PIK3R4: variants seen among roughly 807,000 people sequenced by gnomAD.
The protein encoded by PIK3R4 is phosphoinositide 3-kinase regulatory subunit 4.
In PIK3R4, 46 loss-of-function variants were observed where a neutral mutation model predicts 136.5. The observed-to-expected ratio is 0.34, with a 90% CI of 0.27 to 0.43. The LOEUF is 0.43. PIK3R4 is among the 20% of genes least tolerant of loss of function. The pLI, the probability that PIK3R4 is intolerant of heterozygous loss-of-function variation, is 1.00. For synonymous variants in PIK3R4, 557 were observed against 566.7 expected, an observed-to-expected ratio of 0.98 and a Z score of 0.24; for missense variants, 1,331 against 1,649.5, an observed-to-expected ratio of 0.81 and a Z score of 3.35.
At chr3:130,733,307 T>A (rs2066768393) in intron 4 of PIK3R4, among the ~76,000 whole-genome samples, 1 of 152,190 alleles carries the variant, frequency 6.6e-6, no homozygotes, top group African/African-American at 2.4e-5. Flanking sequence ...GAATGTAGTA[T>A]TCCTAAGAAA....
chr3:130,715,732 T>G (rs2107612264), intron 9 of PIK3R4, among the ~76,000 whole-genome samples: 1 of 152,304 alleles, frequency 6.6e-6, no homozygotes, highest in East Asian at 1.9e-4. Context: ...TGATGGTTTC[T>G]TTTGCTGTGC....
At position 130,682,445 on chromosome 3, in the gene PIK3R4, T is replaced by G. The variant is rs575185190; in HGVS notation, c.3608-854A>C. On this transcript the variant is annotated intron_variant, in intron 16 of 19. Coordinates refer to ENST00000356763, the MANE Select transcript of PIK3R4 (RefSeq NM_014602.3). ...CCTTGATTTTGGTCCACAAAACCCATTTCAGACTTCTGGCCTCTAGAATTA... is the reference window on the plus strand; with the variant it reads ...CCTTGATTTTGGTCCACAAAACCCAGTTCAGACTTCTGGCCTCTAGAATTA... Among the ~76,000 whole-genome samples, 4 of 152,282 alleles carry G rather than the reference T, an allele frequency of 2.6e-5. No individual in the cohort carries two copies. The East Asian group carries it at 5.8e-4, about 22-fold the overall frequency.
chr3:130,703,810 T>C lies in PIK3R4; in HGVS notation c.3011A>G (p.Glu1004Gly), dbSNP rs1379553069. The C allele has an allele frequency of 6.2e-7, 1 of 1,612,658 alleles. No homozygotes were observed. Among genetic ancestry groups the C allele is most frequent in the East Asian group, 2.2e-5 (1 of 44,862 alleles). The change falls in exon 13 of 20, where the codon GAA becomes GGA. Residue 1004 changes from glutamate to glycine, a missense_variant. Transcript: ENST00000356763. ...SAVNRIRVSD[E>G]HSLFATCSND... ...TGAACATGTTGCAAAAAGTGAGTGT[T>C]CATCAGAGACTCTAATTCGATTCAC...
chr3:130,684,773 G>A (rs1478999119), intron 15 of PIK3R4, among the ~76,000 whole-genome samples: 2 of 152,170 alleles, frequency 1.3e-5, no homozygotes, highest in South Asian at 4.1e-4. Flanking sequence ...GGTATTCAAT[G>A]ATCACTTTAC....
chr3:130,714,639 G>A lies in PIK3R4; in HGVS notation c.2331+1757C>T, dbSNP rs146424433. Among the ~76,000 whole-genome samples, 384 of 147,944 alleles carry A rather than the reference G, an allele frequency of 2.6e-3. 1 individual carries two copies. The highest frequency in any genetic ancestry group is 9.0e-3 in the African/African-American group (358 of 39,724). On this transcript the variant is annotated intron_variant, in intron 9 of 19. Coordinates refer to ENST00000356763, the MANE Select transcript of PIK3R4 (RefSeq NM_014602.3). ...CCCTCAACAGGCACTGGTTTGTGTC[G>A]TTTCCCCCTATGTTCATGTGTTCTC...
rs2066600963 is a variant in PIK3R4 at position 130,705,437 on chromosome 3, GT to G, written c.2932+123del. The G allele has an allele frequency of 3.5e-5, 23 of 660,456 alleles. No individual in the cohort carries two copies. In the South Asian group the frequency reaches 4.2e-4, roughly 12 times the overall value. The allele number at this position is 660,456 out of a possible 1,614,324, so 40.9% of individuals were successfully genotyped here. On this transcript the variant is annotated intron_variant, in intron 12 of 19. Transcript: ENST00000356763. ...TCTTACTTACTGCTTCTTCTTCTGG[GT>G]TTCCCAAATAACATTTTTGTTCTTA...
intron 13 of PIK3R4, among the ~76,000 whole-genome samples, chr3:130,700,509 A>G (rs2066568824): frequency 6.6e-6 from 1 of 152,244 alleles, no homozygotes; most frequent in African/African-American, 2.4e-5. Flanking sequence ...TTAGAAAAAC[A>G]GCAATTTTTC....
chr3:130,698,411 C>G (rs952809604), intron 13 of PIK3R4, among the ~76,000 whole-genome samples: 8 of 152,046 alleles, frequency 5.3e-5, no homozygotes, highest in Non-Finnish European at 8.8e-5. Flanking sequence ...TTCTTTGTAC[C>G]TCTGACTGGA....
rs2066771650 is a variant in PIK3R4, at chr3:130,733,811, A to T, written c.1187T>A (p.Leu396Gln). 1 of 1,614,090 alleles carries T rather than the reference A, an allele frequency of 6.2e-7. No individual in the cohort carries two copies. Among genetic ancestry groups the T allele is most frequent in the Non-Finnish European group, 8.5e-7 (1 of 1,179,922 alleles). Residue 396 changes from leucine (L) to glutamine (Q), a missense_variant, in exon 4 of 20, where the codon CTA becomes CAA. Around this residue, in one of 2 missense-constraint regions of PIK3R4, gnomAD observed 1,180 missense variants for 1,407.0 expected, o/e 0.84. Coordinates refer to ENST00000356763, the MANE Select transcript of PIK3R4 (RefSeq NM_014602.3). ...ATGAAGAATCAGTTCCAAAGCAGCTAGTTTGGAATCACAGTATTTAAGGGT... is the reference window on the plus strand; with the variant it reads ...ATGAAGAATCAGTTCCAAAGCAGCTTGTTTGGAATCACAGTATTTAAGGGT... Reference protein sequence around the residue: ...LQTLKYCDSKLAALELILHLA... With the variant: ...LQTLKYCDSKQAALELILHLA...
intron 7 of PIK3R4, among the ~76,000 whole-genome samples, chr3:130,720,345 G>A (rs1177992595): frequency 2.0e-5 from 3 of 152,030 alleles, no homozygotes; most frequent in Non-Finnish European, 2.9e-5. Context: ...ACAGACATGC[G>A]CTGCCAAGCC....
rs539721976 is a variant in PIK3R4, at chr3:130,689,115, C to CTT, written c.3263+1373_3263+1374dup. 6.7e-4 allele frequency among the ~76,000 whole-genome samples: 102 copies of CTT among 152,336 alleles called. 1 individual carries two copies. Among genetic ancestry groups the CTT allele is most frequent in the Non-Finnish European group, 1.1e-3 (78 of 68,028 alleles). Reference sequence around the variant, plus strand: ...TTGATATAACCAAAACAATCAAAAACTTATGACCTTATGGCAAAGTTTCTT... The same window carrying CTT: ...TTGATATAACCAAAACAATCAAAAACTTTTATGACCTTATGGCAAAGTTTCTT... On this transcript the variant is annotated intron_variant, in intron 14 of 19. Coordinates refer to ENST00000356763, the MANE Select transcript of PIK3R4 (RefSeq NM_014602.3).
intron 6 of PIK3R4, among the ~76,000 whole-genome samples, chr3:130,728,151 A>G (rs1254495759): frequency 6.6e-6 from 1 of 152,174 alleles, no homozygotes. Context: ...ATCATTCTTT[A>G]AGAGGATTTA....
chr3:130,714,638 C>A (rs943127265), intron 9 of PIK3R4, among the ~76,000 whole-genome samples: 1 of 145,938 alleles, frequency 6.9e-6, no homozygotes, highest in African/African-American at 2.5e-5. Context: ...TGGTTTGTGT[C>A]GTTTCCCCCT....
rs1297797411 is a variant in PIK3R4, at chr3:130,735,986, C to T, written c.750G>A (p.Glu250=). The T allele has an allele frequency of 1.2e-6, 2 of 1,609,582 alleles. No homozygotes were observed. The highest frequency in any genetic ancestry group is 1.3e-5 in the African/African-American group (1 of 74,746). ...DIFSAGCVIA[E]LFTEGVPLFD... is the part of the protein sequence containing the mutation. ...ATAATGGTACACCTTCTGTAAAAAG[C>T]TCAGCTATCACACAACCTGAAAAAT... Residue 250 remains glutamate, a synonymous_variant, in exon 3 of 20, where the codon GAG becomes GAA. Transcript: ENST00000356763.
In PIK3R4 at chr3:130,686,370, A is replaced by C; in HGVS notation, c.3316T>G (p.Ser1106Ala). Residue 1106 changes from serine (S) to alanine (A), a missense_variant, in exon 15 of 20, where the codon TCT becomes GCT. Around this residue, in one of 2 missense-constraint regions of PIK3R4, gnomAD observed 1,180 missense variants for 1,407.0 expected, o/e 0.84. Transcript: ENST00000356763. ...GCVVDMHHFN[S>A]GAQSVLAYAT... The stretch of plus-strand genomic sequence containing the variant: ...TAGGCAAGAACAGACTGTGCTCCAG[A>C]GTTGAAGTGATGCATATCCACAACA... 6.2e-7 allele frequency: 1 copy of C among 1,613,466 alleles called. No individual in the cohort carries two copies.
intron 16 of PIK3R4, among the ~76,000 whole-genome samples, chr3:130,683,681 G>C (rs1043102354): frequency 5.3e-5 from 8 of 152,128 alleles, no homozygotes; most frequent in African/African-American, 1.7e-4. Flanking sequence ...AGAATAATAA[G>C]AGCTATTATT....
At chr3:130,699,289 A>G (rs1485351408) in intron 13 of PIK3R4, among the ~76,000 whole-genome samples, 1 of 152,216 alleles carries the variant, frequency 6.6e-6, no homozygotes, top group Non-Finnish European at 1.5e-5. Flanking sequence ...AGTTTTCTCA[A>G]AGAACAAGGT....
At position 130,686,401 on chromosome 3, in the gene PIK3R4, GTCC is replaced by G. The variant is rs766617437; in HGVS notation, c.3282_3284del (p.Glu1094del). 13 of 1,609,502 alleles carry G rather than the reference GTCC, an allele frequency of 8.1e-6. No homozygotes were observed. The Admixed American group carries it at 1.5e-4, about 19-fold the overall frequency. ...AGTGATGCATATCCACAACACAACC[GTCC>G]TCCTTCTGATCTAGAATTCTAGAGA... On this transcript the variant is annotated inframe_deletion, in exon 15 of 20. Transcript: ENST00000356763.
intron 2 of PIK3R4, among the ~76,000 whole-genome samples, chr3:130,741,831 C>T (rs554270142): frequency 3.8e-4 from 58 of 152,272 alleles, no homozygotes; most frequent in African/African-American, 1.2e-3. Flanking sequence ...TGCTCAAATG[C>T]ATGTCAAAAT....
Sources: gnomAD v4.1 joint callset for allele counts (sites outside exome capture counted in the v4.1 genomes callset) on GRCh38, gnomAD v4.1.1 for gene constraint, gnomAD v4.1.1 regional missense constraint, MANE v1.5 for transcripts, NCBI Gene and HGNC (gene_info 2026-07-23, HGNC 2026-07-21) for gene names.